The following TMEM45B variants were observed in gnomAD, a reference collection of about 807,000 sequenced individuals.
The protein encoded by TMEM45B is transmembrane protein 45B.
In TMEM45B, 29 loss-of-function variants were observed where a neutral mutation model predicts 27.3. The ratio of observed to expected loss-of-function variants is 1.06; its 90% CI spans 0.79 to 1.45. TMEM45B has a LOEUF of 1.45. TMEM45B is among the 40% of genes most tolerant of loss of function. TMEM45B has a pLI of 0.00. For synonymous variants in TMEM45B, 143 were observed against 134.7 expected (o/e 1.06, Z -0.43); for missense variants, 348 against 343.9 (o/e 1.01, Z -0.09).
At chr11:129,837,716 A>AT (rs542923880) in intron 1 of TMEM45B, among the ~76,000 whole-genome samples, 26 of 133,672 alleles carry the variant, frequency 1.9e-4, no homozygotes, top group African/African-American at 1.9e-4. Flanking sequence ...CACCCAGCTA[A>AT]TTTTTTTTTT....
chr11:129,855,738 G>A lies in TMEM45B; in HGVS notation c.416G>A (p.Arg139Gln), dbSNP rs762080530. The A allele has an allele frequency of 2.5e-6, 4 of 1,614,090 alleles. No individual in the cohort carries two copies. The highest frequency in any genetic ancestry group is 3.3e-5 in the Admixed American group (2 of 60,004). Residue 139 changes from arginine (R) to glutamine (Q), a missense_variant, in exon 4 of 6, where the codon CGG becomes CAG. Transcript: ENST00000281441. ...GFLFYYHVHN[R>Q]PPLDQHIHSL... ...CTCTTCTACTACCACGTCCACAACC[G>A]GCCTCCGCTGGACCAGCACATCCAC...
At position 129,859,136 on chromosome 11, in the gene TMEM45B, C is replaced by A. The variant is rs557517815; in HGVS notation, c.*451C>A. ...AAATATGTTAGAATGTGTAAGCAAA[C>A]GACAGTGCCTTTAGAATTACAATTC... On this transcript the variant is annotated 3_prime_UTR_variant, in exon 6 of 6. Coordinates refer to ENST00000281441, the MANE Select transcript of TMEM45B (RefSeq NM_138788.5). 6.6e-6 allele frequency: 1 copy of A among 152,276 alleles called. No homozygotes were observed. The highest frequency in any genetic ancestry group is 1.5e-5 in the Non-Finnish European group (1 of 68,114). The allele number at this position is 152,276 out of a possible 1,614,324, so 9.4% of individuals were successfully genotyped here.
intron 1 of TMEM45B, among the ~76,000 whole-genome samples, chr11:129,838,511 T>C (rs1947651941): frequency 6.6e-6 from 1 of 152,210 alleles, no homozygotes; most frequent in African/African-American, 2.4e-5. Flanking sequence ...TCGCTCTTCT[T>C]GCTTGTCTCA....
intron 1 of TMEM45B, among the ~76,000 whole-genome samples, chr11:129,846,171 AAAAC>A (rs1947758093): frequency 6.6e-6 from 1 of 152,222 alleles, no homozygotes; most frequent in African/African-American, 2.4e-5. Flanking sequence ...ACCCCAGAAT[AAAAC>A]AAAAGTGTTA....
chr11:129,854,505 A>C, intron 2 of TMEM45B, 105 bp from the exon 3 acceptor site: 1 of 1,174,258 alleles, frequency 8.5e-7, no homozygotes, highest in South Asian at 1.4e-5. Flanking sequence ...GGCCACCCTC[A>C]CCTCACCCCA....
intron 1 of TMEM45B, among the ~76,000 whole-genome samples, chr11:129,845,173 A>G (rs1182495554): frequency 6.6e-6 from 1 of 152,186 alleles, no homozygotes; most frequent in Admixed American, 6.5e-5. Flanking sequence ...TGATATGTAC[A>G]TATATGTGTA....
At chr11:129,823,157 A>G (rs1201456808) in intron 1 of TMEM45B, among the ~76,000 whole-genome samples, 1 of 152,108 alleles carries the variant, frequency 6.6e-6, no homozygotes, top group African/African-American at 2.4e-5. Context: ...TATTTTTCTA[A>G]TATCTCTAGA....
At chr11:129,820,034 C>T (rs1947399758) in intron 1 of TMEM45B, among the ~76,000 whole-genome samples, 1 of 151,992 alleles carries the variant, frequency 6.6e-6, no homozygotes, top group Non-Finnish European at 1.5e-5. Flanking sequence ...GAATTTTGGG[C>T]CAGACACAGT....
chr11:129,845,259 TTGTGTGTGTGTATG>T (rs1375500291), intron 1 of TMEM45B, among the ~76,000 whole-genome samples: 1 of 120,230 alleles, frequency 8.3e-6, no homozygotes, highest in African/African-American at 3.1e-5. Flanking sequence ...ATGGCTTATT[TTGTGTGTGTGTATG>T]TGTGTGTGTG....
chr11:129,856,524 T>C (rs1947927749), intron 4 of TMEM45B, among the ~76,000 whole-genome samples: 1 of 150,408 alleles, frequency 6.6e-6, no homozygotes, highest in South Asian at 2.1e-4. Flanking sequence ...TGTTTTTAAG[T>C]AAGCCTATAC....
At chr11:129,847,407 A>ATT (rs5795680) in intron 1 of TMEM45B, among the ~76,000 whole-genome samples, 1 of 67,882 alleles carries the variant, frequency 1.5e-5, no homozygotes, top group African/African-American at 4.5e-5. Context: ...TTATGAAGTT[A>ATT]TTTTTTTTTA....
intron 4 of TMEM45B, among the ~76,000 whole-genome samples, chr11:129,856,652 C>T (rs1370980423): frequency 6.7e-6 from 1 of 149,500 alleles, no homozygotes; most frequent in African/African-American, 2.5e-5. Flanking sequence ...CTCCACCTCC[C>T]AGGTTCACGC....
intron 2 of TMEM45B, among the ~76,000 whole-genome samples, chr11:129,854,157 TA>T (rs1385193240): frequency 6.6e-6 from 1 of 152,200 alleles, no homozygotes; most frequent in Non-Finnish European, 1.5e-5. Context: ...CACGTACAGG[TA>T]TCTTCATTAC....
At position 129,855,695 on chromosome 11, in the gene TMEM45B, TGGTTTGTGGCA is replaced by T. The variant is rs1947911981; in HGVS notation, c.386-7_389del. 2 of 1,613,766 alleles carry T rather than the reference TGGTTTGTGGCA, an allele frequency of 1.2e-6. No individual in the cohort carries two copies. Among genetic ancestry groups the T allele is most frequent in the Non-Finnish European group, 1.7e-6 (2 of 1,179,702 alleles). On this transcript the variant is annotated splice_acceptor_variant and splice_polypyrimidine_tract_variant and intron_variant, in intron 3 of 5. Transcript: ENST00000281441. LOFTEE classifies it high-confidence loss of function. ...AAGCGTAGCCCTGACAGCTGCCATC[TGGTTTGTGGCA>T]GGTTTCCTCTTCTACTACCACGTCC...
chr11:129,849,826 T>C (rs1342519159), intron 1 of TMEM45B, among the ~76,000 whole-genome samples: 1 of 152,152 alleles, frequency 6.6e-6, no homozygotes, highest in East Asian at 1.9e-4. Flanking sequence ...CCCCTGAAAC[T>C]GTTCTGCCGC....
At chr11:129,847,880 G>T (rs199984535) in intron 1 of TMEM45B, among the ~76,000 whole-genome samples, 3 of 151,754 alleles carry the variant, frequency 2.0e-5, no homozygotes, top group African/African-American at 7.3e-5. Flanking sequence ...ATCATGGCCC[G>T]TTCTCAATGA....
intron 1 of TMEM45B, among the ~76,000 whole-genome samples, chr11:129,831,310 C>T (rs1054012380): frequency 2.6e-5 from 4 of 152,184 alleles, no homozygotes; most frequent in African/African-American, 9.7e-5. Context: ...GAACTGCCAG[C>T]ATCACTACTT....
intron 4 of TMEM45B, among the ~76,000 whole-genome samples, chr11:129,856,316 A>T (rs566168338): frequency 6.6e-6 from 1 of 151,942 alleles, no homozygotes; most frequent in Non-Finnish European, 1.5e-5. Context: ...GGTTCAAGCG[A>T]TTCTCATGCC....
intron 1 of TMEM45B, among the ~76,000 whole-genome samples, chr11:129,834,914 T>C (rs1270664077): frequency 6.6e-6 from 1 of 152,114 alleles, no homozygotes; most frequent in Non-Finnish European, 1.5e-5. Flanking sequence ...TAAACGTACT[T>C]CTGGTGAGAT....
Sources: gnomAD v4.1 joint callset for allele counts (sites outside exome capture counted in the v4.1 genomes callset) on GRCh38, gnomAD v4.1.1 for gene constraint, MANE v1.5 for transcripts, NCBI Gene and HGNC (gene_info 2026-07-23, HGNC 2026-07-21) for gene names.